The following TSHZ2 variants were observed in gnomAD, a reference collection of about 807,000 sequenced individuals.
TSHZ2 encodes the protein teashirt zinc finger homeobox 2.
TSHZ2 carries 21 observed loss-of-function variants against 74.4 expected under a neutral mutation model. The observed-to-expected ratio is 0.28, with a 90% CI of 0.20 to 0.41. The LOEUF (loss-of-function observed/expected upper bound fraction) is 0.41, where lower values mean the gene tolerates loss of function less well. Ranked by LOEUF, TSHZ2 falls within the 10% of genes least tolerant of loss-of-function variation. The probability of loss-of-function intolerance (pLI) is 1.00; values close to 1 mark genes in which losing one functional copy is unlikely to be tolerated. For missense variants in TSHZ2, 1,244 were observed against 1,293.5 expected (o/e 0.96, Z 0.59); for synonymous variants, 540 against 515.3 (o/e 1.05, Z -0.65).
intron 2 of TSHZ2, among the ~76,000 whole-genome samples, chr20:53,383,633 T>C (rs117362286): frequency 0.016 from 2,358 of 151,684 alleles, 25 homozygotes; most frequent in Non-Finnish European, 0.023. Context: ...TGTTGGCCCA[T>C]GCTTGTAATC....
At chr20:53,299,497 C>G (rs1287684254) in intron 2 of TSHZ2, among the ~76,000 whole-genome samples, 1 of 152,184 alleles carries the variant, frequency 6.6e-6, no homozygotes, top group Non-Finnish European at 1.5e-5. Context: ...TAACTGCTCT[C>G]TTTACTTATT....
chr20:53,270,276 C>T (rs1280427833), intron 2 of TSHZ2, among the ~76,000 whole-genome samples: 1 of 152,142 alleles, frequency 6.6e-6, no homozygotes, highest in East Asian at 1.9e-4. Flanking sequence ...CCCTGGCTGG[C>T]CTTGAGTTAA....
chr20:53,369,464 C>T (rs775732021), intron 2 of TSHZ2, among the ~76,000 whole-genome samples: 29 of 151,718 alleles, frequency 1.9e-4, no homozygotes, highest in Non-Finnish European at 3.4e-4. Context: ...CTCAGCACCT[C>T]GGGAGGCCAA....
intron 2 of TSHZ2, among the ~76,000 whole-genome samples, chr20:53,285,270 C>T (rs1407042685): frequency 6.6e-6 from 1 of 152,174 alleles, no homozygotes; most frequent in Non-Finnish European, 1.5e-5. Context: ...TTTCATACAG[C>T]AGTGTTTGGA....
chr20:53,031,458 A>G (rs1336498896), intron 1 of TSHZ2, among the ~76,000 whole-genome samples: 1 of 152,238 alleles, frequency 6.6e-6, no homozygotes, highest in African/African-American at 2.4e-5. Flanking sequence ...GTGAGACAAC[A>G]GTTGAAGAAT....
intron 1 of TSHZ2, among the ~76,000 whole-genome samples, chr20:53,105,796 C>T (rs1986346377): frequency 6.6e-6 from 1 of 151,828 alleles, no homozygotes; most frequent in African/African-American, 2.4e-5. Flanking sequence ...GCAGGCACAC[C>T]CCACCATGCT....
At chr20:53,081,822 G>A (rs1338993243) in intron 1 of TSHZ2, among the ~76,000 whole-genome samples, 1 of 151,864 alleles carries the variant, frequency 6.6e-6, no homozygotes, top group Non-Finnish European at 1.5e-5. Context: ...TTAGAAGACT[G>A]TGGTCCTTTT....
Position 53,057,897 on chromosome 20 carries a change from C to T in TSHZ2, c.40+84564C>T, listed in dbSNP as rs147530644. Among the ~76,000 whole-genome samples, 306 of 152,252 alleles carry T rather than the reference C, an allele frequency of 2.0e-3. 1 individual carries two copies. Among genetic ancestry groups the T allele is most frequent in the African/African-American group, 7.1e-3 (296 of 41,534 alleles). On this transcript the variant is annotated intron_variant, in intron 1 of 2. Transcript: ENST00000371497. Reference sequence around the variant, plus strand: ...GGACAGAAATGGGGTCAGGAAAGGGCATGGAGGTCCCCTCCCTGGAGGAAG... The same window carrying T: ...GGACAGAAATGGGGTCAGGAAAGGGTATGGAGGTCCCCTCCCTGGAGGAAG...
chr20:53,027,512 G>A (rs1195460878), intron 1 of TSHZ2, among the ~76,000 whole-genome samples: 2 of 152,178 alleles, frequency 1.3e-5, no homozygotes. Context: ...GATGGTAGAA[G>A]AGGATGGTAT....
chr20:53,339,137 A>G (rs1313973979), intron 2 of TSHZ2, among the ~76,000 whole-genome samples: 7 of 152,210 alleles, frequency 4.6e-5, no homozygotes, highest in African/African-American at 1.7e-4. Context: ...TTGGGTGCAG[A>G]AGAAATCTAA....
At chr20:53,441,340 A>G (rs1454577685) in intron 2 of TSHZ2, among the ~76,000 whole-genome samples, 3 of 151,084 alleles carry the variant, frequency 2.0e-5, no homozygotes, top group South Asian at 4.2e-4. Context: ...ATCTCGGCTC[A>G]CTGCAAGCTC....
intron 1 of TSHZ2, among the ~76,000 whole-genome samples, chr20:53,114,966 TC>T (rs1986631128): frequency 1.3e-5 from 2 of 152,194 alleles, no homozygotes; most frequent in Admixed American, 6.5e-5. Flanking sequence ...CACGCATTCT[TC>T]CTTGCATGTG....
intron 2 of TSHZ2, among the ~76,000 whole-genome samples, chr20:53,293,648 A>G (rs1273251159): frequency 6.6e-6 from 1 of 150,434 alleles, no homozygotes; most frequent in Non-Finnish European, 1.5e-5. Flanking sequence ...TGCTCTGTCA[A>G]TTACCAGGCA....
chr20:53,470,842 A>G (rs983472805), intron 2 of TSHZ2, among the ~76,000 whole-genome samples: 2 of 152,110 alleles, frequency 1.3e-5, no homozygotes, highest in Non-Finnish European at 2.9e-5. Flanking sequence ...AACACTAAAT[A>G]TAGGTTTTTC....
At chr20:53,377,310 T>C (rs1981692801) in intron 2 of TSHZ2, among the ~76,000 whole-genome samples, 1 of 152,186 alleles carries the variant, frequency 6.6e-6, no homozygotes, top group Admixed American at 6.5e-5. Flanking sequence ...CTTAAGTACT[T>C]TCTTCTTGTG....
chr20:53,199,721 C>T (rs1988954142), intron 1 of TSHZ2, among the ~76,000 whole-genome samples: 1 of 152,172 alleles, frequency 6.6e-6, no homozygotes, highest in Non-Finnish European at 1.5e-5. Flanking sequence ...ATCTGAAAAA[C>T]TCCGTCCCAG....
intron 2 of TSHZ2, among the ~76,000 whole-genome samples, chr20:53,295,416 G>GTC (rs1491224024): frequency 7.1e-6 from 1 of 140,632 alleles, no homozygotes; most frequent in Non-Finnish European, 1.6e-5. Context: ...TTATGTATAC[G>GTC]TGTGTGTGTG....
intron 1 of TSHZ2, among the ~76,000 whole-genome samples, chr20:53,052,085 T>C (rs1434810066): frequency 6.6e-6 from 1 of 152,178 alleles, no homozygotes; most frequent in African/African-American, 2.4e-5. Flanking sequence ...TCCAGAACTT[T>C]TTCATCTTGC....
At chr20:53,315,416 T>G (rs1978965126) in intron 2 of TSHZ2, among the ~76,000 whole-genome samples, 1 of 152,246 alleles carries the variant, frequency 6.6e-6, no homozygotes, top group Admixed American at 6.5e-5. Flanking sequence ...GATCCTGTAC[T>G]TCATGAATCA....
Sources: allele counts gnomAD v4.1 joint callset (sites outside exome capture counted in the v4.1 genomes callset), GRCh38; gene constraint gnomAD v4.1.1; transcripts MANE v1.5; gene names NCBI Gene and HGNC (gene_info 2026-07-23, HGNC 2026-07-21).